Variants in HCN1 observed in about 807,000 individuals in gnomAD.
HCN1 encodes hyperpolarization activated cyclic nucleotide gated potassium channel 1, also known as potassium/sodium hyperpolarization-activated cyclic nucleotide-gated channel 1.
Under a neutral mutation model 78.9 loss-of-function variants are expected in HCN1, and 13 were observed. That is an observed-to-expected ratio of 0.16 (90% CI 0.11 to 0.26). HCN1 has a LOEUF of 0.26. Ranked by LOEUF, HCN1 falls within the 10% of genes least tolerant of loss-of-function variation. HCN1 has a pLI of 1.00. For missense variants in HCN1, 810 were observed against 1,154.3 expected (o/e 0.70, Z 4.32); for synonymous variants, 552 against 455.5 (o/e 1.21, Z -2.70).
intron 1 of HCN1, among the ~76,000 whole-genome samples, chr5:45,659,597 A>T (rs920578877): frequency 6.8e-6 from 1 of 146,792 alleles, no homozygotes; most frequent in Non-Finnish European, 1.5e-5. Flanking sequence ...ACCAATACAG[A>T]GAAGTGCTTA....
chr5:45,275,844 T>A (rs560598945), intron 6 of HCN1, among the ~76,000 whole-genome samples: 10 of 152,264 alleles, frequency 6.6e-5, no homozygotes, highest in African/African-American at 2.4e-4. Context: ...TTTCTGCTTC[T>A]ATCTGTCTTT....
Position 45,645,188 on chromosome 5 carries a change from T to C in HCN1, c.846A>G (p.Glu282=). ...AAAAGAAAAAGATGCATCTTACCTC[T>C]TCCCATTGATGTATGTATCTAATTA... ...SRLIRYIHQW[E]EIFHMTYDLA... Residue 282 remains glutamate (E), a synonymous_variant, in exon 2 of 8, where the codon GAA becomes GAG. Coordinates refer to ENST00000303230, the MANE Select transcript of HCN1 (RefSeq NM_021072.4). 6.2e-7 allele frequency: 1 copy of C among 1,608,100 alleles called. No individual in the cohort carries two copies. Among genetic ancestry groups the C allele is most frequent in the East Asian group, 2.2e-5 (1 of 44,806 alleles).
At chr5:45,531,720 C>T (rs1742855917) in intron 2 of HCN1, among the ~76,000 whole-genome samples, 1 of 151,516 alleles carries the variant, frequency 6.6e-6, no homozygotes, top group African/African-American at 2.4e-5. Flanking sequence ...GGCTCTGACA[C>T]TTTTTTTTTC....
intron 2 of HCN1, among the ~76,000 whole-genome samples, chr5:45,524,343 G>A (rs1195283372): frequency 6.6e-6 from 1 of 152,048 alleles, no homozygotes; most frequent in African/African-American, 2.4e-5. Context: ...TGGCGATGAG[G>A]GCTCTTTTTT....
intron 6 of HCN1, among the ~76,000 whole-genome samples, chr5:45,289,739 C>T (rs1314001550): frequency 6.6e-6 from 1 of 151,964 alleles, no homozygotes. Flanking sequence ...TGTATTAGTT[C>T]ATTTAAAATG....
intron 5 of HCN1, among the ~76,000 whole-genome samples, chr5:45,318,006 G>A (rs943054943): frequency 1.3e-5 from 2 of 152,168 alleles, no homozygotes; most frequent in African/African-American, 2.4e-5. Context: ...AGACAGTGTG[G>A]TGATTCCTCA....
intron 2 of HCN1, among the ~76,000 whole-genome samples, chr5:45,613,077 A>T (rs1173247468): frequency 6.6e-6 from 1 of 151,772 alleles, no homozygotes; most frequent in Non-Finnish European, 1.5e-5. Context: ...ATATGTATAC[A>T]TGTGCCATGC....
At chr5:45,533,454 C>T (rs1167349365) in intron 2 of HCN1, among the ~76,000 whole-genome samples, 2 of 152,150 alleles carry the variant, frequency 1.3e-5, no homozygotes, top group African/African-American at 4.8e-5. Context: ...AATGTCATTT[C>T]CAGTTTCTGT....
intron 2 of HCN1, among the ~76,000 whole-genome samples, chr5:45,479,310 G>A (rs1030769508): frequency 1.3e-5 from 2 of 152,066 alleles, no homozygotes; most frequent in African/African-American, 4.8e-5. Flanking sequence ...TTGGAAGCTT[G>A]AACTATGAAT....
At chr5:45,462,753 C>A (rs955701057) in intron 2 of HCN1, among the ~76,000 whole-genome samples, 2 of 151,948 alleles carry the variant, frequency 1.3e-5, no homozygotes, top group African/African-American at 4.8e-5. Flanking sequence ...TATGACAAAT[C>A]AACATAATCC....
intron 1 of HCN1, among the ~76,000 whole-genome samples, chr5:45,677,840 T>C (rs1580045702): frequency 1.3e-5 from 2 of 151,922 alleles, no homozygotes; most frequent in South Asian, 2.1e-4. Flanking sequence ...ATGTTTCTTA[T>C]AGAGAAAGAA....
At chr5:45,374,608 C>G (rs1026548075) in intron 4 of HCN1, among the ~76,000 whole-genome samples, 1 of 149,926 alleles carries the variant, frequency 6.7e-6, no homozygotes, top group Non-Finnish European at 1.5e-5. Flanking sequence ...TAAACTATTC[C>G]AAAAACTTGG....
At chr5:45,632,239 C>G (rs1201551839) in intron 2 of HCN1, among the ~76,000 whole-genome samples, 1 of 151,754 alleles carries the variant, frequency 6.6e-6, no homozygotes, top group Non-Finnish European at 1.5e-5. Flanking sequence ...CAGCCTGAGT[C>G]TCTGAAATAG....
intron 5 of HCN1, among the ~76,000 whole-genome samples, chr5:45,316,368 T>C (rs925860687): frequency 1.3e-5 from 2 of 152,130 alleles, no homozygotes; most frequent in Admixed American, 6.6e-5. Flanking sequence ...CAACACCCCT[T>C]CATGCTAAAA....
intron 1 of HCN1, among the ~76,000 whole-genome samples, chr5:45,693,893 G>A (rs894179460): frequency 3.3e-5 from 5 of 152,072 alleles, no homozygotes; most frequent in African/African-American, 1.2e-4. Context: ...ATTGAACCTG[G>A]TACATTTCTG....
chr5:45,470,683 A>T (rs565124974), intron 2 of HCN1, among the ~76,000 whole-genome samples: 1 of 152,094 alleles, frequency 6.6e-6, no homozygotes, highest in Non-Finnish European at 1.5e-5. Context: ...CATCCTTAAA[A>T]GTAATAAGCC....
At chr5:45,570,853 A>T (rs1743812748) in intron 2 of HCN1, among the ~76,000 whole-genome samples, 1 of 152,036 alleles carries the variant, frequency 6.6e-6, no homozygotes, top group Non-Finnish European at 1.5e-5. Flanking sequence ...ACATGTAAAA[A>T]CCTGCTGCGG....
intron 2 of HCN1, among the ~76,000 whole-genome samples, chr5:45,523,198 T>C (rs1742651013): frequency 6.6e-6 from 1 of 152,204 alleles, no homozygotes; most frequent in East Asian, 1.9e-4. Context: ...TCATCATTTC[T>C]TATGGCTGCG....
At chr5:45,383,219 A>T (rs1287962970) in intron 4 of HCN1, among the ~76,000 whole-genome samples, 2 of 152,172 alleles carry the variant, frequency 1.3e-5, no homozygotes, top group Non-Finnish European at 2.9e-5. Flanking sequence ...AGTACATTTT[A>T]AAAAATGCAA....
Sources: gnomAD v4.1 joint callset for allele counts (sites outside exome capture counted in the v4.1 genomes callset) on GRCh38, gnomAD v4.1.1 for gene constraint, MANE v1.5 for transcripts, NCBI Gene and HGNC (gene_info 2026-07-23, HGNC 2026-07-21) for gene names.